Variants in SERGEF observed in about 807,000 individuals in gnomAD.
The protein encoded by SERGEF is secretion regulating guanine nucleotide exchange factor.
A neutral mutation model predicts 50.0 loss-of-function variants in SERGEF; 51 were observed. The observed-to-expected ratio is 1.02, with a 90% CI of 0.81 to 1.29. The LOEUF (loss-of-function observed/expected upper bound fraction) is 1.29, where lower values mean the gene tolerates loss of function less well. Among genes scored for constraint, SERGEF ranks in the 50% most tolerant of loss-of-function variants. SERGEF has a pLI of 0.00. For missense variants in SERGEF, 521 were observed against 557.0 expected (o/e 0.94, Z 0.65); for synonymous variants, 205 against 212.4 (o/e 0.97, Z 0.30).
chr11:17,910,939 A>AC (rs1271845032), intron 9 of SERGEF, among the ~76,000 whole-genome samples: 1 of 152,184 alleles, frequency 6.6e-6, no homozygotes, highest in Non-Finnish European at 1.5e-5. Context: ...ATCAAGTAGA[A>AC]CCTAAGCTGG....
At chr11:17,916,500 C>A (rs1852050812) in intron 9 of SERGEF, among the ~76,000 whole-genome samples, 1 of 152,142 alleles carries the variant, frequency 6.6e-6, no homozygotes, top group African/African-American at 2.4e-5. Flanking sequence ...AGATTAGAAT[C>A]AAAGTAGAGA....
At chr11:17,931,281 A>C (rs1670361753) in intron 9 of SERGEF, among the ~76,000 whole-genome samples, 1 of 152,202 alleles carries the variant, frequency 6.6e-6, no homozygotes, top group African/African-American at 2.4e-5. Flanking sequence ...GCTGACCTGC[A>C]ATAAAAATCA....
intron 10 of SERGEF, among the ~76,000 whole-genome samples, chr11:17,852,412 CA>C (rs1850730674): frequency 6.6e-6 from 1 of 152,182 alleles, no homozygotes; most frequent in Non-Finnish European, 1.5e-5. Context: ...GCAAGGCAGC[CA>C]TTTGAATGAT....
At chr11:17,982,695 A>C (rs1026514795) in intron 8 of SERGEF, among the ~76,000 whole-genome samples, 1 of 152,226 alleles carries the variant, frequency 6.6e-6, no homozygotes, top group African/African-American at 2.4e-5. Flanking sequence ...TTTAGTGTGA[A>C]TCAATGGCTG....
chr11:17,944,725 A>G (rs1283830301), intron 9 of SERGEF, among the ~76,000 whole-genome samples: 3 of 152,232 alleles, frequency 2.0e-5, no homozygotes, highest in Non-Finnish European at 1.5e-5. Context: ...TCCCGCATGA[A>G]AAACCCGCTT....
chr11:17,989,106 C>G (rs1853656842), intron 7 of SERGEF, among the ~76,000 whole-genome samples: 1 of 152,004 alleles, frequency 6.6e-6, no homozygotes, highest in Admixed American at 6.5e-5. Flanking sequence ...ATGCCTATAC[C>G]TTTTGTATGA....
At chr11:17,949,813 G>T (rs779633569) in intron 9 of SERGEF, among the ~76,000 whole-genome samples, 9 of 152,130 alleles carry the variant, frequency 5.9e-5, no homozygotes, top group Non-Finnish European at 1.2e-4. Flanking sequence ...ACTACGCAAA[G>T]AAAAACTCAA....
chr11:17,992,969 C>T lies in SERGEF; in HGVS notation c.647G>A (p.Cys216Tyr), dbSNP rs1853750503. The change falls in exon 7 of 11, where the codon TGT becomes TAT. Residue 216 changes from cysteine to tyrosine, a missense_variant. Physicochemically the swap from Cys to Tyr is radical, Grantham distance 194. Coordinates refer to ENST00000265965, the MANE Select transcript of SERGEF (RefSeq NM_012139.4). ...VTGLENSKAM[C>Y]VLAGSDHSAS... ...TGAGTGGTCTGAGCCAGCAAGAACA[C>T]ACATTGCTTTAGAATTCTCTAGACC... 6.2e-7 allele frequency: 1 copy of T among 1,614,112 alleles called. No homozygotes were observed. The highest frequency in any genetic ancestry group is 8.5e-7 in the Non-Finnish European group (1 of 1,179,948).
chr11:17,829,521 C>A (rs972271668), intron 10 of SERGEF, among the ~76,000 whole-genome samples: 1 of 152,076 alleles, frequency 6.6e-6, no homozygotes, highest in Non-Finnish European at 1.5e-5. Context: ...ACAAAGAAGA[C>A]CATGAATTAA....
intron 9 of SERGEF, among the ~76,000 whole-genome samples, chr11:17,947,463 C>T (rs1373823190): frequency 1.3e-5 from 2 of 152,222 alleles, no homozygotes; most frequent in East Asian, 3.8e-4. Context: ...GCATGCTTTA[C>T]TGTACCAGCT....
chr11:17,968,188 T>C (rs1000634638), intron 8 of SERGEF, among the ~76,000 whole-genome samples: 7 of 152,202 alleles, frequency 4.6e-5, no homozygotes, highest in South Asian at 2.1e-4. Flanking sequence ...TCAGTGTTTG[T>C]TGAACAGTAG....
chr11:17,923,748 C>A (rs1340236209), intron 9 of SERGEF, among the ~76,000 whole-genome samples: 3 of 152,174 alleles, frequency 2.0e-5, no homozygotes, highest in African/African-American at 7.2e-5. Flanking sequence ...GTACACACAG[C>A]TCCAGCCCTC....
At chr11:17,949,627 G>C (rs974684533) in intron 9 of SERGEF, among the ~76,000 whole-genome samples, 7 of 152,074 alleles carry the variant, frequency 4.6e-5, no homozygotes, top group Non-Finnish European at 2.9e-5. Flanking sequence ...AAAGCAGGAG[G>C]GAGAAAGTGT....
At chr11:18,001,025 C>A (rs2134008477) in intron 4 of SERGEF, among the ~76,000 whole-genome samples, 1 of 152,326 alleles carries the variant, frequency 6.6e-6, no homozygotes, top group East Asian at 1.9e-4. Context: ...CTCCATCCAA[C>A]AACACCCCAC....
At chr11:17,975,525 A>G (rs1853351557) in intron 8 of SERGEF, among the ~76,000 whole-genome samples, 1 of 152,200 alleles carries the variant, frequency 6.6e-6, no homozygotes, top group Admixed American at 6.5e-5. Context: ...AATGAACCAG[A>G]TAACTCCAGT....
chr11:17,956,209 GA>G lies in SERGEF; in HGVS notation c.1011+3260del, dbSNP rs1482747936. On this transcript the variant is annotated intron_variant, in intron 9 of 10. Coordinates refer to ENST00000265965, the MANE Select transcript of SERGEF (RefSeq NM_012139.4). ...GCTAGAGAGGAGACATGGCTCAGAA[GA>G]AAAGAATTGAAACACTTAGGGCATT... is the stretch of plus-strand genomic sequence containing the variant. 2.3e-4 allele frequency among the ~76,000 whole-genome samples: 35 copies of G among 152,310 alleles called. 1 individual carries two copies. Among genetic ancestry groups the G allele is most frequent in the South Asian group, 4.1e-4 (2 of 4,828 alleles).
Position 17,942,668 on chromosome 11 carries a change from G to A in SERGEF, c.1011+16802C>T, listed in dbSNP as rs73428315. 4.6e-3 allele frequency among the ~76,000 whole-genome samples: 695 copies of A among 152,150 alleles called. 6 individuals carry two copies. Among genetic ancestry groups the A allele is most frequent in the African/African-American group, 0.016 (647 of 41,530 alleles). Reference sequence around the variant, plus strand: ...TAATAGTGAATAAAAATGGTGAGAGGACATACTTGCCTCATTCTGATCTAA... The same window carrying A: ...TAATAGTGAATAAAAATGGTGAGAGAACATACTTGCCTCATTCTGATCTAA... On this transcript the variant is annotated intron_variant, in intron 9 of 10. Transcript: ENST00000265965.
At chr11:17,834,247 T>C (rs1167479207) in intron 10 of SERGEF, among the ~76,000 whole-genome samples, 2 of 152,214 alleles carry the variant, frequency 1.3e-5, no homozygotes, top group African/African-American at 2.4e-5. Context: ...ACAAGCTCTC[T>C]CATTTTTTTG....
At chr11:17,873,688 AGG>A (rs1188468353) in intron 10 of SERGEF, among the ~76,000 whole-genome samples, 1 of 151,950 alleles carries the variant, frequency 6.6e-6, no homozygotes, top group African/African-American at 2.4e-5. Flanking sequence ...GAGGAGGAGG[AGG>A]AGGAGGCATC....
Sources: gnomAD v4.1 joint callset for allele counts (sites outside exome capture counted in the v4.1 genomes callset) on GRCh38, gnomAD v4.1.1 for gene constraint, MANE v1.5 for transcripts, NCBI Gene and HGNC (gene_info 2026-07-23, HGNC 2026-07-21) for gene names.